The following RBP4 variants were observed in gnomAD, a reference collection of about 807,000 sequenced individuals.
RBP4 encodes retinol-binding protein 4.
Under a neutral mutation model 26.2 loss-of-function variants are expected in RBP4, and 9 were observed. The ratio of observed to expected loss-of-function variants is 0.34; its 90% CI spans 0.21 to 0.60. RBP4 has a LOEUF of 0.60. RBP4 is among the 20% of genes least tolerant of loss of function. The pLI, the probability that RBP4 is intolerant of heterozygous loss-of-function variation, is 0.80. For synonymous variants in RBP4, 114 were observed against 111.0 expected, an observed-to-expected ratio of 1.03 and a Z score of -0.17; for missense variants, 244 against 271.3, an observed-to-expected ratio of 0.90 and a Z score of 0.71.
In RBP4 at chr10:93,600,448, G is replaced by T; in HGVS notation, c.300C>A (p.Asp100Glu). 6.2e-7 allele frequency: 1 copy of T among 1,614,130 alleles called. No homozygotes were observed. The highest frequency in any genetic ancestry group is 8.5e-7 in the Non-Finnish European group (1 of 1,180,036). The part of the protein sequence containing the change: ...DMVGTFTDTE[D>E]PAKFKMKYWG... Reference sequence around the variant, plus strand: ...AGTACTTCATCTTGAACTTGGCAGGGTCCTCGGTGTCTGTGAAGGTGCCCA... The same window carrying T: ...AGTACTTCATCTTGAACTTGGCAGGTTCCTCGGTGTCTGTGAAGGTGCCCA... The change falls in exon 4 of 6, where the codon GAC (aspartate) becomes GAA (glutamate). Residue 100 changes from aspartate (D) to glutamate (E), a missense_variant. Asp to Glu is a conservative substitution (Grantham distance 45). Coordinates refer to ENST00000371464, the MANE Select transcript of RBP4 (RefSeq NM_006744.4).
Position 93,600,961 on chromosome 10 carries a change from C to G in RBP4, c.68G>C (p.Arg23Pro), listed in dbSNP as rs756894160. The change falls in exon 2 of 6, where the codon CGA becomes CCA. Residue 23 changes from arginine (R) to proline (P), a missense_variant. Coordinates refer to ENST00000371464, the MANE Select transcript of RBP4 (RefSeq NM_006744.4). The part of the protein sequence containing the change: ...LGSGRAERDC[R>P]VSSFRVKENF... ...CTCCTTGACTCGGAAGCTGCTCACTCGGCAGTCGCGCTCCGCGCGGCCGCT... is the reference window on the plus strand; with the variant it reads ...CTCCTTGACTCGGAAGCTGCTCACTGGGCAGTCGCGCTCCGCGCGGCCGCT... The G allele has an allele frequency of 1.2e-6, 2 of 1,612,448 alleles. No individual in the cohort carries two copies. Among genetic ancestry groups the G allele is most frequent in the East Asian group, 4.5e-5 (2 of 44,844 alleles).
chr10:93,599,263 A>AAAAAT (rs771309680), intron 4 of RBP4, among the ~76,000 whole-genome samples: 2 of 151,238 alleles, frequency 1.3e-5, no homozygotes, highest in African/African-American at 2.4e-5. Context: ...AAAAATAATA[A>AAAAAT]TAAATTAAAA....
chr10:93,594,577 G>T (rs1160633097), intron 4 of RBP4, among the ~76,000 whole-genome samples: 1 of 152,102 alleles, frequency 6.6e-6, no homozygotes, highest in Non-Finnish European at 1.5e-5. Context: ...CGGCTTCTCT[G>T]GCTCCATCCT....
chr10:93,597,778 C>A (rs1468938600), intron 4 of RBP4, among the ~76,000 whole-genome samples: 1 of 152,182 alleles, frequency 6.6e-6, no homozygotes, highest in Non-Finnish European at 1.5e-5. Flanking sequence ...TTAAACACAT[C>A]CGTTTGGTGA....
chr10:93,600,242 TA>T, intron 4 of RBP4, 150 bp downstream of exon 4: 1 of 741,012 alleles, frequency 1.3e-6, no homozygotes, highest in Non-Finnish European at 2.4e-6. Context: ...CTTGTTCCCC[TA>T]ACCTCAGGTG....
chr10:93,600,453 C>T lies in RBP4; in HGVS notation c.295G>A (p.Glu99Lys), dbSNP rs201407285. ...ADMVGTFTDT[E>K]DPAKFKMKYW... ...TTCATCTTGAACTTGGCAGGGTCCTCGGTGTCTGTGAAGGTGCCCACCATG... is the reference window on the plus strand; with the variant it reads ...TTCATCTTGAACTTGGCAGGGTCCTTGGTGTCTGTGAAGGTGCCCACCATG... Residue 99 changes from glutamate (E) to lysine (K), a missense_variant, in exon 4 of 6, where the codon GAG becomes AAG. By Grantham distance (56) the Glu-to-Lys change is moderately conservative (BLOSUM62 1). Coordinates refer to ENST00000371464, the MANE Select transcript of RBP4 (RefSeq NM_006744.4). The T allele has an allele frequency of 2.4e-5, 38 of 1,614,122 alleles. No individual in the cohort carries two copies. In the East Asian group the frequency reaches 7.6e-4, roughly 32 times the overall value.
chr10:93,596,525 AC>A (rs2058304149), intron 4 of RBP4, among the ~76,000 whole-genome samples: 1 of 151,894 alleles, frequency 6.6e-6, no homozygotes, highest in South Asian at 2.1e-4. Context: ...AGAACCAGAC[AC>A]CCCCAGCCAT....
At chr10:93,599,638 G>C (rs2058323368) in intron 4 of RBP4, among the ~76,000 whole-genome samples, 1 of 152,096 alleles carries the variant, frequency 6.6e-6, no homozygotes, top group South Asian at 2.1e-4. Flanking sequence ...CCCTCCAAAA[G>C]GTTAACTCTC....
chr10:93,597,732 C>T (rs1168149153), intron 4 of RBP4, among the ~76,000 whole-genome samples: 1 of 152,150 alleles, frequency 6.6e-6, no homozygotes, highest in Non-Finnish European at 1.5e-5. Flanking sequence ...GATCGCTTGG[C>T]CCTGAGTTAC....
intron 4 of RBP4, among the ~76,000 whole-genome samples, chr10:93,599,402 C>A (rs114161724): frequency 6.6e-6 from 1 of 152,270 alleles, no homozygotes; most frequent in African/African-American, 2.4e-5. Context: ...CCCTGGATCA[C>A]CGAGCAGAGA....
intron 4 of RBP4, 140 bp from the exon 5 acceptor site, chr10:93,594,175 G>A: frequency 1.2e-6 from 1 of 832,000 alleles, no homozygotes; most frequent in Non-Finnish European, 2.0e-6. Context: ...ACACTTCAGA[G>A]AATTCTGACA....
At chr10:93,596,097 C>T (rs1315699882) in intron 4 of RBP4, among the ~76,000 whole-genome samples, 2 of 152,092 alleles carry the variant, frequency 1.3e-5, no homozygotes, top group African/African-American at 2.4e-5. Context: ...ACGAGGATCA[C>T]AGTGTCTGTC....
rs562556742 is a variant in RBP4, at chr10:93,593,730, A to C, written c.568+93T>G. ...CAAGAACCCCTGTTTTCTCTGGGGT[A>C]CGGACAAAATGAATTTCACTAGCAC... is the stretch of plus-strand genomic sequence containing the variant. On this transcript the variant is annotated intron_variant, in intron 5 of 5. Coordinates refer to ENST00000371464, the MANE Select transcript of RBP4 (RefSeq NM_006744.4). 6 of 1,392,644 alleles carry C rather than the reference A, an allele frequency of 4.3e-6. No homozygotes were observed. In the African/African-American group the frequency reaches 7.1e-5, roughly 16 times the overall value. The allele number at this position is 1,392,644 out of a possible 1,614,324, so 86.3% of individuals were successfully genotyped here. A position where few individuals can be genotyped will look rare whatever the true frequency, so the allele number is the denominator to read the frequency against.
chr10:93,594,452 AC>A (rs2058289856), intron 4 of RBP4, among the ~76,000 whole-genome samples: 1 of 152,106 alleles, frequency 6.6e-6, no homozygotes, highest in Non-Finnish European at 1.5e-5. Flanking sequence ...AACTTATGTT[AC>A]CCCCAATATT....
chr10:93,593,768 G>A (rs1314933300), intron 5 of RBP4, 55 bp downstream of exon 5: 2 of 1,583,678 alleles, frequency 1.3e-6, no homozygotes, highest in Non-Finnish European at 1.7e-6. Context: ...GGGCCCCTTA[G>A]TCCAAACCCA....
chr10:93,598,774 A>G (rs866328385), intron 4 of RBP4, among the ~76,000 whole-genome samples: 37 of 152,388 alleles, frequency 2.4e-4, no homozygotes, highest in Middle Eastern at 3.4e-3. Context: ...TCAAAATGCT[A>G]TAGAACATAT....
Position 93,595,045 on chromosome 10 carries a change from G to A in RBP4, c.356-1010C>T, listed in dbSNP as rs535640190. On this transcript the variant is annotated intron_variant, in intron 4 of 5. Coordinates refer to ENST00000371464, the MANE Select transcript of RBP4 (RefSeq NM_006744.4). ...GGTCTCCACTACTTGCGGCTGAGGC[G>A]GCAGGATCGTTTTGAGCCCAGGAGG... is the stretch of plus-strand genomic sequence containing the variant. 1.3e-4 allele frequency among the ~76,000 whole-genome samples: 20 copies of A among 152,170 alleles called. No individual in the cohort carries two copies. In the South Asian group the frequency reaches 1.7e-3, roughly 13 times the overall value.
At chr10:93,597,310 C>T (rs1172141957) in intron 4 of RBP4, among the ~76,000 whole-genome samples, 1 of 152,204 alleles carries the variant, frequency 6.6e-6, no homozygotes. Context: ...CTTCATCTGA[C>T]AGAAGGACAC....
At chr10:93,592,192 T>C (rs372645474) in intron 5 of RBP4, 80 bp from the exon 6 acceptor site, 21 of 1,207,494 alleles carry the variant, frequency 1.7e-5, no homozygotes, top group Non-Finnish European at 2.3e-5. Context: ...ATGATGGCCT[T>C]AGAGCTGGCT....
Sources: allele counts gnomAD v4.1 joint callset (sites outside exome capture counted in the v4.1 genomes callset), GRCh38; gene constraint gnomAD v4.1.1; transcripts MANE v1.5; gene names NCBI Gene and HGNC (gene_info 2026-07-23, HGNC 2026-07-21).